The following TBC1D22B variants were observed in gnomAD, a reference collection of about 807,000 sequenced individuals.
TBC1D22B encodes the protein chromosome 6 open reading frame 197.
A neutral mutation model predicts 69.1 loss-of-function variants in TBC1D22B; 32 were observed. The ratio of observed to expected loss-of-function variants is 0.46; its 90% CI spans 0.35 to 0.62. The LOEUF (loss-of-function observed/expected upper bound fraction) is 0.62. Among genes scored for constraint, TBC1D22B ranks in the 20% least tolerant of loss-of-function variants. The pLI, the probability that TBC1D22B is intolerant of heterozygous loss-of-function variation, is 0.00. For missense variants in TBC1D22B, 462 were observed against 630.9 expected, an observed-to-expected ratio of 0.73 and a Z score of 2.87; for synonymous variants, 206 against 229.8, an observed-to-expected ratio of 0.90 and a Z score of 0.94.
chr6:37,289,034 A>G (rs190487584), intron 7 of TBC1D22B, among the ~76,000 whole-genome samples: 1 of 151,900 alleles, frequency 6.6e-6, no homozygotes, highest in Non-Finnish European at 1.5e-5. Context: ...GGCTGCAATC[A>G]TGCACCACCA....
chr6:37,270,852 A>G (rs775098133), intron 2 of TBC1D22B, among the ~76,000 whole-genome samples: 38 of 152,208 alleles, frequency 2.5e-4, no homozygotes, highest in Admixed American at 7.2e-4. Flanking sequence ...ATAGGGAAGT[A>G]AAGATAATGT....
At chr6:37,306,088 C>T (rs1767709363) in intron 8 of TBC1D22B, among the ~76,000 whole-genome samples, 1 of 152,192 alleles carries the variant, frequency 6.6e-6, no homozygotes, top group African/African-American at 2.4e-5. Context: ...TTCAGTGACA[C>T]TTGAAGACAG....
intron 7 of TBC1D22B, among the ~76,000 whole-genome samples, chr6:37,290,204 T>C (rs1562051688): frequency 6.6e-6 from 1 of 152,164 alleles, no homozygotes; most frequent in African/African-American, 2.4e-5. Flanking sequence ...TTCAATCTGA[T>C]GCAGTGGTGA....
intron 8 of TBC1D22B, among the ~76,000 whole-genome samples, chr6:37,294,450 GTACGTAGTA>G (rs1767291357): frequency 6.6e-6 from 1 of 152,158 alleles, no homozygotes; most frequent in East Asian, 1.9e-4. Context: ...GGGATTACAA[GTACGTAGTA>G]GCCACTATGG....
At chr6:37,295,031 A>G (rs1767314274) in intron 8 of TBC1D22B, among the ~76,000 whole-genome samples, 1 of 152,232 alleles carries the variant, frequency 6.6e-6, no homozygotes, top group African/African-American at 2.4e-5. Context: ...AAGATTTAGA[A>G]TATTACATAA....
intron 12 of TBC1D22B, among the ~76,000 whole-genome samples, chr6:37,327,327 A>C (rs1213371464): frequency 3.0e-5 from 4 of 135,494 alleles, no homozygotes; most frequent in Admixed American, 7.5e-5. Flanking sequence ...AAATGCAAAA[A>C]ATTAGCCGGG....
intron 7 of TBC1D22B, among the ~76,000 whole-genome samples, chr6:37,288,515 C>T (rs1562050906): frequency 6.6e-6 from 1 of 152,122 alleles, no homozygotes; most frequent in Non-Finnish European, 1.5e-5. Flanking sequence ...AGTTTGAGAC[C>T]AGCCTGAGCC....
chr6:37,296,742 A>G (rs1311782823), intron 8 of TBC1D22B, among the ~76,000 whole-genome samples: 2 of 152,132 alleles, frequency 1.3e-5, no homozygotes, highest in African/African-American at 4.8e-5. Context: ...CATTTTATGC[A>G]TAAATTTTTT....
chr6:37,257,906 C>G lies in TBC1D22B; in HGVS notation c.-12C>G, dbSNP rs112299709. 1.9e-6 allele frequency: 3 copies of G among 1,613,206 alleles called. No individual in the cohort carries two copies. The highest frequency in any genetic ancestry group is 1.3e-5 in the African/African-American group (1 of 75,020). On this transcript the variant is annotated 5_prime_UTR_variant, in exon 1 of 13. Coordinates refer to ENST00000373491, the MANE Select transcript of TBC1D22B (RefSeq NM_017772.4). Reference sequence around the variant, plus strand: ...CTTGGCCCGCCTACAAGGACTTCCCCCGGCCAGAGCAATGGCCGCTGAGAA... The same window carrying G: ...CTTGGCCCGCCTACAAGGACTTCCCGCGGCCAGAGCAATGGCCGCTGAGAA...
At chr6:37,290,937 CA>C (rs1370292687) in intron 7 of TBC1D22B, among the ~76,000 whole-genome samples, 2 of 152,138 alleles carry the variant, frequency 1.3e-5, no homozygotes, top group Non-Finnish European at 2.9e-5. Context: ...CCTGAATTAA[CA>C]GCATTCATCC....
intron 8 of TBC1D22B, among the ~76,000 whole-genome samples, chr6:37,300,421 G>A (rs1267632366): frequency 6.6e-6 from 1 of 151,852 alleles, no homozygotes; most frequent in Non-Finnish European, 1.5e-5. Flanking sequence ...GAGTGCAATG[G>A]CACAATCTTG....
At chr6:37,296,938 C>G (rs1031825053) in intron 8 of TBC1D22B, among the ~76,000 whole-genome samples, 4 of 152,020 alleles carry the variant, frequency 2.6e-5, no homozygotes, top group Non-Finnish European at 2.9e-5. Flanking sequence ...GCAATCCTCC[C>G]ACTTCAGCCT....
intron 12 of TBC1D22B, among the ~76,000 whole-genome samples, chr6:37,317,848 G>A (rs1431932824): frequency 6.6e-6 from 1 of 152,150 alleles, no homozygotes; most frequent in Non-Finnish European, 1.5e-5. Context: ...AACAGCCAGT[G>A]CAGGGGCCTC....
At chr6:37,330,990 T>C (rs944513908) in intron 12 of TBC1D22B, 54 bp from the exon 13 acceptor site, 2 of 1,604,622 alleles carry the variant, frequency 1.2e-6, no homozygotes, top group Admixed American at 1.7e-5. Context: ...ATGGGTTCAC[T>C]TGTCTGATGG....
chr6:37,289,525 C>G (rs958836672), intron 7 of TBC1D22B, among the ~76,000 whole-genome samples: 1 of 152,194 alleles, frequency 6.6e-6, no homozygotes, highest in Non-Finnish European at 1.5e-5. Context: ...AGGATGATCA[C>G]AGGTCTCCTG....
intron 10 of TBC1D22B, among the ~76,000 whole-genome samples, chr6:37,316,408 G>A (rs1201238574): frequency 1.3e-5 from 2 of 152,178 alleles, no homozygotes; most frequent in African/African-American, 4.8e-5. Context: ...GCAGCCAAGT[G>A]AACCTCATTA....
At chr6:37,284,522 A>G in intron 6 of TBC1D22B, 58 bp downstream of exon 6, 1 of 1,499,846 alleles carries the variant, frequency 6.7e-7, no homozygotes, top group Non-Finnish European at 8.9e-7. Context: ...GGTATGTCTC[A>G]TGGTAGTGCT....
intron 1 of TBC1D22B, among the ~76,000 whole-genome samples, chr6:37,258,808 G>A (rs1765948113): frequency 6.6e-6 from 1 of 152,096 alleles, no homozygotes; most frequent in Non-Finnish European, 1.5e-5. Context: ...AGAAGTATAA[G>A]GAAGAGTGTG....
intron 8 of TBC1D22B, among the ~76,000 whole-genome samples, chr6:37,300,619 C>T (rs1177204012): frequency 6.6e-6 from 1 of 152,058 alleles, no homozygotes; most frequent in African/African-American, 2.4e-5. Context: ...ACCTTGGCCT[C>T]CCAAAACACC....
Sources: gnomAD v4.1 joint callset for allele counts (sites outside exome capture counted in the v4.1 genomes callset) on GRCh38, gnomAD v4.1.1 for gene constraint, MANE v1.5 for transcripts, NCBI Gene and HGNC (gene_info 2026-07-23, HGNC 2026-07-21) for gene names.